Variants in ZNF407 observed in about 807,000 individuals in gnomAD.
The protein encoded by ZNF407 is zinc finger protein 407.
In ZNF407, 17 loss-of-function variants were observed where a neutral mutation model predicts 131.2. That is an observed-to-expected ratio of 0.13 (90% CI 0.09 to 0.19). The LOEUF (loss-of-function observed/expected upper bound fraction) is 0.19. Ranked by LOEUF, ZNF407 falls within the 10% of genes least tolerant of loss-of-function variation. The pLI is 1.00. For synonymous variants in ZNF407, 1,156 were observed against 1,062.0 expected, an observed-to-expected ratio of 1.09 and a Z score of -1.72; for missense variants, 2,681 against 2,830.6, an observed-to-expected ratio of 0.95 and a Z score of 1.20.
chr18:74,967,225 C>T (rs1222371357), intron 8 of ZNF407, among the ~76,000 whole-genome samples: 5 of 151,940 alleles, frequency 3.3e-5, no homozygotes, highest in East Asian at 1.9e-4. Flanking sequence ...CCATCCTGGG[C>T]GACAGAGACC....
intron 8 of ZNF407, among the ~76,000 whole-genome samples, chr18:74,961,352 C>G (rs1022580955): frequency 6.6e-6 from 1 of 152,132 alleles, no homozygotes; most frequent in South Asian, 2.1e-4. Context: ...TCATGGTGAC[C>G]TAGCAGATCA....
At chr18:74,991,698 T>A (rs897958561) in intron 8 of ZNF407, among the ~76,000 whole-genome samples, 10 of 152,226 alleles carry the variant, frequency 6.6e-5, no homozygotes, top group African/African-American at 2.4e-4. Context: ...TTCAGATTTC[T>A]CTAACATTTC....
chr18:74,773,998 CTAGAAAATAAGGAAGAACCCAA>C, intron 3 of ZNF407, among the ~76,000 whole-genome samples: 1 of 152,058 alleles, frequency 6.6e-6, no homozygotes, highest in African/African-American at 2.4e-5. Context: ...GCTGGTTGTA[CTAGAAAATAAGGAAGAACCCAA>C]CAGTAAGAGA....
At chr18:74,960,425 A>AAGGTCCCG (rs1381415180) in intron 8 of ZNF407, among the ~76,000 whole-genome samples, 1 of 149,334 alleles carries the variant, frequency 6.7e-6, no homozygotes, top group Admixed American at 6.6e-5. Flanking sequence ...GGGATAGGAG[A>AAGGTCCCG]AGGTCCCGAC....
At position 75,063,099 on chromosome 18, in the gene ZNF407, T is replaced by G. The variant is rs1013539130; in HGVS notation, c.5429-51T>G. The stretch of plus-strand genomic sequence containing the variant: ...TTCTGCAGAAGAAGTGTCTTACTTG[T>G]AAGCCTACGAGTACTTTTTCCAGGC... On this transcript the variant is annotated intron_variant, in intron 8 of 8. Coordinates refer to ENST00000299687, the MANE Select transcript of ZNF407 (RefSeq NM_017757.3). This position sits in a 1 kb window ranked among gnomAD's most constrained non-coding sequence, Gnocchi z 6.6. 36 of 1,490,554 alleles carry G rather than the reference T, an allele frequency of 2.4e-5. No individual in the cohort carries two copies. The Admixed American group carries it at 8.0e-4, about 33-fold the overall frequency. 92.3% of individuals were successfully genotyped at this position (1,490,554 alleles called of 1,614,324 possible). A position where few individuals can be genotyped will look rare whatever the true frequency, so the allele number is the denominator to read the frequency against.
chr18:74,800,996 C>T (rs974016185), intron 4 of ZNF407, among the ~76,000 whole-genome samples: 1 of 152,016 alleles, frequency 6.6e-6, no homozygotes, highest in Non-Finnish European at 1.5e-5. Context: ...TTCAAAGAGT[C>T]TCTTCCATAA....
chr18:74,638,008 C>T (rs893404567), intron 2 of ZNF407, among the ~76,000 whole-genome samples: 1 of 152,188 alleles, frequency 6.6e-6, no homozygotes, highest in Non-Finnish European at 1.5e-5. Context: ...TAAAAAACTT[C>T]GTTTTCATTT....
At chr18:74,911,537 GTGT>G (rs1159014508) in intron 7 of ZNF407, among the ~76,000 whole-genome samples, 1 of 152,000 alleles carries the variant, frequency 6.6e-6, no homozygotes, top group East Asian at 1.9e-4. Flanking sequence ...CAACTGTTTT[GTGT>G]TGTTGTTTTT....
rs189677282 is a variant in ZNF407, at chr18:74,788,451, T to C, written c.4877+6949T>C. 3.9e-4 allele frequency among the ~76,000 whole-genome samples: 60 copies of C among 152,244 alleles called. No individual in the cohort carries two copies. In the East Asian group the frequency reaches 0.01, roughly 26 times the overall value. ...TGGTGCTTTTTACTTCTCAGACTTA[T>C]TTATTTAAAAACACGCTTGCTTCTA... is the stretch of plus-strand genomic sequence containing the variant. On this transcript the variant is annotated intron_variant, in intron 4 of 8. Coordinates refer to ENST00000299687, the MANE Select transcript of ZNF407 (RefSeq NM_017757.3).
intron 3 of ZNF407, among the ~76,000 whole-genome samples, chr18:74,776,638 C>T (rs1202719924): frequency 1.3e-5 from 2 of 152,070 alleles, no homozygotes; most frequent in Non-Finnish European, 2.9e-5. Context: ...AACAGTCATC[C>T]ATAGGAAACT....
intron 4 of ZNF407, among the ~76,000 whole-genome samples, chr18:74,849,552 C>T (rs1970752525): frequency 6.6e-6 from 1 of 152,258 alleles, no homozygotes; most frequent in South Asian, 2.1e-4. Context: ...TTGTCAGACT[C>T]TGTGCCTTGA....
intron 7 of ZNF407, among the ~76,000 whole-genome samples, chr18:74,913,541 A>G (rs1186963205): frequency 6.6e-6 from 1 of 152,172 alleles, no homozygotes; most frequent in Non-Finnish European, 1.5e-5. Flanking sequence ...TGAGAAAAGA[A>G]TATAAGACAT....
Position 74,630,998 on chromosome 18 carries a change from A to G in ZNF407, c.-22A>G, listed in dbSNP as rs756992686. On this transcript the variant is annotated 5_prime_UTR_variant, in exon 2 of 9. Transcript: ENST00000299687. ...AGTGCCAGTGAGCCGCCTTAGATAGAAGCATCGTCAGCACTTTATTAATGA... is the reference window on the plus strand; with the variant it reads ...AGTGCCAGTGAGCCGCCTTAGATAGGAGCATCGTCAGCACTTTATTAATGA... 32 of 1,581,846 alleles carry G rather than the reference A, an allele frequency of 2.0e-5. No individual in the cohort carries two copies. Among genetic ancestry groups the G allele is most frequent in the Non-Finnish European group, 2.7e-5 (31 of 1,167,380 alleles).
intron 7 of ZNF407, among the ~76,000 whole-genome samples, chr18:74,914,518 G>A (rs1971720106): frequency 6.6e-6 from 1 of 152,106 alleles, no homozygotes; most frequent in African/African-American, 2.4e-5. Flanking sequence ...TGACTTCCCA[G>A]GTGAAGATTT....
intron 7 of ZNF407, among the ~76,000 whole-genome samples, chr18:74,917,579 C>T (rs1295992454): frequency 6.6e-6 from 1 of 152,126 alleles, no homozygotes; most frequent in Non-Finnish European, 1.5e-5. Context: ...TAATAGTCCC[C>T]GGTTGTTAGA....
At chr18:74,805,315 A>G (rs750223862) in intron 4 of ZNF407, among the ~76,000 whole-genome samples, 7 of 152,224 alleles carry the variant, frequency 4.6e-5, no homozygotes, top group Non-Finnish European at 7.3e-5. Context: ...ATTTAAGCCT[A>G]AGTAAATAAT....
intron 8 of ZNF407, among the ~76,000 whole-genome samples, chr18:75,051,059 A>T (rs1323774051): frequency 1.3e-5 from 2 of 152,118 alleles, no homozygotes; most frequent in Admixed American, 6.5e-5. Flanking sequence ...CCTGCACTCA[A>T]GGAGCTCTCG....
intron 4 of ZNF407, among the ~76,000 whole-genome samples, chr18:74,836,403 C>G (rs887295703): frequency 6.6e-6 from 1 of 152,218 alleles, no homozygotes; most frequent in African/African-American, 2.4e-5. Context: ...TTGCCTTTTA[C>G]TATTCCTTTG....
intron 8 of ZNF407, among the ~76,000 whole-genome samples, chr18:74,934,800 G>A (rs150737543): frequency 5.9e-5 from 9 of 152,168 alleles, no homozygotes; most frequent in African/African-American, 1.4e-4. Context: ...AGCGAGACTC[G>A]GTCTCAAAAA....
Sources: allele counts gnomAD v4.1 joint callset (sites outside exome capture counted in the v4.1 genomes callset), GRCh38; gene constraint gnomAD v4.1.1; non-coding constraint Gnocchi (gnomAD v3.1); transcripts MANE v1.5; gene names NCBI Gene and HGNC (gene_info 2026-07-23, HGNC 2026-07-21).